Variants in FBXW8 observed in about 807,000 individuals in gnomAD.
The protein encoded by FBXW8 is F-box/WD repeat-containing protein 8.
A neutral mutation model predicts 65.3 loss-of-function variants in FBXW8; 57 were observed. The ratio of observed to expected loss-of-function variants is 0.87; its 90% CI spans 0.71 to 1.09. The LOEUF is 1.09. Ranked by LOEUF, FBXW8 falls within the 50% of genes least tolerant of loss-of-function variation. FBXW8 has a pLI of 0.00. For synonymous variants in FBXW8, 308 were observed against 330.2 expected (o/e 0.93, Z 0.73); for missense variants, 777 against 814.8 (o/e 0.95, Z 0.57).
chr12:116,969,458 G>A (rs1592902703), intron 5 of FBXW8, among the ~76,000 whole-genome samples: 1 of 152,316 alleles, frequency 6.6e-6, no homozygotes, highest in South Asian at 2.1e-4. Flanking sequence ...TTCGTGAATA[G>A]CTACTTTTGG....
intron 4 of FBXW8, among the ~76,000 whole-genome samples, chr12:116,963,387 A>G (rs944356329): frequency 5.9e-5 from 9 of 152,130 alleles, no homozygotes; most frequent in African/African-American, 2.2e-4. Flanking sequence ...TGGGTGGATC[A>G]CTTGAGGCCA....
intron 7 of FBXW8, among the ~76,000 whole-genome samples, chr12:116,993,260 C>T (rs1953297273): frequency 6.6e-6 from 1 of 151,788 alleles, no homozygotes; most frequent in South Asian, 2.1e-4. Context: ...CGTGCCACCA[C>T]GCCTGGCTAA....
intron 7 of FBXW8, among the ~76,000 whole-genome samples, chr12:116,991,708 T>C (rs527767323): frequency 6.6e-6 from 1 of 152,338 alleles, no homozygotes; most frequent in South Asian, 2.1e-4. Flanking sequence ...GCATTTGGTT[T>C]ATATTTGTTT....
intron 4 of FBXW8, among the ~76,000 whole-genome samples, chr12:116,962,223 C>T (rs1467889259): frequency 6.6e-6 from 1 of 152,194 alleles, no homozygotes; most frequent in Non-Finnish European, 1.5e-5. Flanking sequence ...CCAGGAGCCC[C>T]TCAGATATGA....
intron 5 of FBXW8, among the ~76,000 whole-genome samples, chr12:116,983,805 AAGAC>A (rs1885476105): frequency 6.6e-6 from 1 of 152,244 alleles, no homozygotes; most frequent in African/African-American, 2.4e-5. Context: ...ATAAAAATAA[AAGAC>A]AGAAAGGAAT....
chr12:116,985,349 C>T lies in FBXW8; in HGVS notation c.979C>T (p.Pro327Ser). The T allele has an allele frequency of 6.2e-7, 1 of 1,614,144 alleles. No individual in the cohort carries two copies. Among genetic ancestry groups the T allele is most frequent in the Non-Finnish European group, 8.5e-7 (1 of 1,180,018 alleles). The change falls in exon 6 of 11, where the codon CCC becomes TCC. Residue 327 changes from proline to serine, a missense_variant. By Grantham distance (74) the Pro-to-Ser change is moderately conservative. Coordinates refer to ENST00000652555, the MANE Select transcript of FBXW8 (RefSeq NM_153348.3). ...ASAFDVVMLS[P>S]NEEGYWQIAA... is the part of the protein sequence containing the mutation. ...TGCTTTTGATGTCGTGATGTTATCC[C>T]CCAATGAGGAGGGGTACTGGCAGAT...
intron 7 of FBXW8, among the ~76,000 whole-genome samples, chr12:116,995,377 G>C (rs115974872): frequency 0.01 from 1,558 of 152,300 alleles, 25 homozygotes; most frequent in African/African-American, 0.036. Flanking sequence ...CATGTAGGTG[G>C]TTTAAACCTT....
chr12:116,982,957 G>T (rs139355960), intron 5 of FBXW8, among the ~76,000 whole-genome samples: 3 of 152,102 alleles, frequency 2.0e-5, no homozygotes, highest in East Asian at 3.9e-4. Context: ...ACTTCATGAC[G>T]TACCAAGTCA....
At chr12:116,916,928 A>AGAC (rs1462447779) in intron 1 of FBXW8, among the ~76,000 whole-genome samples, 41 of 122,772 alleles carry the variant, frequency 3.3e-4, no homozygotes, top group Non-Finnish European at 1.8e-4. Context: ...GAGAGAGAGA[A>AGAC]AGAGGTGTGT....
At chr12:116,978,259 T>C (rs1885081253) in intron 5 of FBXW8, 1 of 152,084 alleles carries the variant, frequency 6.6e-6, no homozygotes, top group African/African-American at 2.4e-5. Context: ...CTGATACTAA[T>C]CTCCCACCGG....
intron 4 of FBXW8, among the ~76,000 whole-genome samples, chr12:116,956,619 T>C (rs553957243): frequency 4.1e-4 from 62 of 152,240 alleles, no homozygotes; most frequent in Non-Finnish European, 7.6e-4. Context: ...GTTTGCCTGT[T>C]GGCCCTTCAG....
chr12:117,003,195 CTGTA>C (rs1420247595), intron 7 of FBXW8: 1 of 152,244 alleles, frequency 6.6e-6, no homozygotes, highest in African/African-American at 2.4e-5. Context: ...CCTGTCTTTA[CTGTA>C]AGGCCAGCAT....
intron 7 of FBXW8, among the ~76,000 whole-genome samples, chr12:117,009,133 A>G (rs963505488): frequency 3.9e-5 from 6 of 152,190 alleles, no homozygotes; most frequent in African/African-American, 1.2e-4. Flanking sequence ...GCACTTTGGG[A>G]GGCCAAGGCA....
intron 7 of FBXW8, among the ~76,000 whole-genome samples, chr12:117,000,740 A>G (rs1953495778): frequency 6.6e-6 from 1 of 152,208 alleles, no homozygotes; most frequent in African/African-American, 2.4e-5. Context: ...TCCTGTGTAA[A>G]GGGAGTAAAA....
intron 8 of FBXW8, among the ~76,000 whole-genome samples, chr12:117,023,185 T>A (rs1954141760): frequency 1.3e-5 from 2 of 152,206 alleles, no homozygotes; most frequent in Admixed American, 1.3e-4. Flanking sequence ...CTTGCATAAC[T>A]AGAGTCAGGG....
intron 4 of FBXW8, among the ~76,000 whole-genome samples, chr12:116,964,447 A>G (rs1392763396): frequency 6.6e-6 from 1 of 152,176 alleles, no homozygotes; most frequent in Non-Finnish European, 1.5e-5. Context: ...CTTGCTACCC[A>G]TGTCTTATTA....
intron 4 of FBXW8, among the ~76,000 whole-genome samples, chr12:116,955,476 T>A (rs1450647180): frequency 2.6e-5 from 4 of 152,262 alleles, no homozygotes; most frequent in Non-Finnish European, 5.9e-5. Context: ...CATTTGTATC[T>A]GTGATCTGCT....
intron 2 of FBXW8, among the ~76,000 whole-genome samples, chr12:116,932,284 G>A (rs1168609467): frequency 6.6e-6 from 1 of 152,120 alleles, no homozygotes; most frequent in African/African-American, 2.4e-5. Flanking sequence ...TTAATGGTTA[G>A]CATTTTCATC....
chr12:116,954,133 A>T (rs4766817), intron 4 of FBXW8, among the ~76,000 whole-genome samples: 113,598 of 142,586 alleles, frequency 0.8, 46,029 homozygotes, highest in East Asian at 0.88. Context: ...AAAAAAAAAA[A>T]AGAAAAAGCA....
Sources: allele counts gnomAD v4.1 joint callset (sites outside exome capture counted in the v4.1 genomes callset), GRCh38; gene constraint gnomAD v4.1.1; transcripts MANE v1.5; gene names NCBI Gene and HGNC (gene_info 2026-07-23, HGNC 2026-07-21).